The following NICN1 variants were observed in gnomAD, a reference collection of about 807,000 sequenced individuals.
The protein encoded by NICN1 is nicolin 1, tubulin polyglutamylase complex subunit.
NICN1 carries 18 observed loss-of-function variants against 26.3 expected under a neutral mutation model. The ratio of observed to expected loss-of-function variants is 0.68; its 90% confidence interval spans 0.47 to 1.01. NICN1 has a LOEUF of 1.01. Among genes scored for constraint, NICN1 ranks in the 50% least tolerant of loss-of-function variants. NICN1 has a pLI of 0.00. For synonymous variants in NICN1, 109 were observed against 111.0 expected, an observed-to-expected ratio of 0.98 and a Z score of 0.11; for missense variants, 239 against 278.3, an observed-to-expected ratio of 0.86 and a Z score of 1.00.
chr3:49,425,571 A>G, intron 3 of NICN1, 133 bp from the exon 4 acceptor site: 2 of 675,334 alleles, frequency 3.0e-6, no homozygotes, highest in Non-Finnish European at 5.1e-6. Context: ...GGGAGCCCAC[A>G]GAGACCTAAA....
chr3:49,422,853 C>G lies in NICN1; in HGVS notation c.*1980G>C. The G allele has an allele frequency of 2.8e-6, 1 of 361,156 alleles. No homozygotes were observed. The highest frequency in any genetic ancestry group is 5.4e-6 in the Non-Finnish European group (1 of 184,794). The allele number at this position is 361,156 out of a possible 1,614,324, so 22.4% of individuals were successfully genotyped here. On this transcript the variant is annotated 3_prime_UTR_variant, in exon 6 of 6. Coordinates refer to ENST00000273598, the MANE Select transcript of NICN1 (RefSeq NM_032316.3). ...GTGGGGGTGGGGAAGGTGGGCCAGC[C>G]TGGCAGGTAGGCAGCACCACAGTAG...
intron 1 of NICN1, among the ~76,000 whole-genome samples, chr3:49,428,004 A>T: frequency 6.6e-6 from 1 of 152,102 alleles, no homozygotes; most frequent in Non-Finnish European, 1.5e-5. Flanking sequence ...GGATCACCTG[A>T]CGTCACAAGT....
In NICN1 at chr3:49,422,571, G is replaced by A. The variant is rs1396329986; in HGVS notation, c.*2262C>T. 14 of 1,114,390 alleles carry A rather than the reference G, an allele frequency of 1.3e-5. No individual in the cohort carries two copies. The Admixed American group carries it at 2.8e-4, about 22-fold the overall frequency. The allele number at this position is 1,114,390 out of a possible 1,614,324, so 69.0% of individuals were successfully genotyped here. A position where few individuals can be genotyped will look rare whatever the true frequency, so the allele number is the denominator to read the frequency against. On this transcript the variant is annotated 3_prime_UTR_variant, in exon 6 of 6. Transcript: ENST00000273598. ...CTCCGGAGCAAAGGATCTGAAGGGG[G>A]CGTGGGCAGCCCCAAGGGCAGGCTG...
chr3:49,426,529 CTTT>C (rs113679342), intron 1 of NICN1, 101 bp from the exon 2 acceptor site: 2,383 of 633,366 alleles, frequency 3.8e-3, no homozygotes, highest in East Asian at 4.2e-3. Context: ...CCCACCTTTT[CTTT>C]TTTTTTTTTT....
At position 49,422,793 on chromosome 3, in the gene NICN1, A is replaced by C; in HGVS notation, c.*2040T>G. On this transcript the variant is annotated 3_prime_UTR_variant, in exon 6 of 6. Transcript: ENST00000273598. ...TTCTGGAAAGGGCTGAAAGGTCTGA[A>C]TCATACCTTTAGGACCTCAAGAGAG... is the stretch of plus-strand genomic sequence containing the variant. 2.4e-6 allele frequency: 1 copy of C among 425,282 alleles called. No homozygotes were observed. The allele number at this position is 425,282 out of a possible 1,614,324, so 26.3% of individuals were successfully genotyped here.
In NICN1 at chr3:49,429,161, G is replaced by A. The variant is rs575205701; in HGVS notation, c.79C>T (p.Arg27Trp). The A allele has an allele frequency of 8.1e-6, 13 of 1,610,856 alleles. No individual in the cohort carries two copies. In the East Asian group the frequency reaches 2.0e-4, roughly 25 times the overall value. Residue 27 changes from arginine (R) to tryptophan (W), a missense_variant, in exon 1 of 6, where the codon CGG becomes TGG. Transcript: ENST00000273598. Reference sequence around the variant, plus strand: ...ACATCGATGACCAGCACGCCAGGCCGGCCTTGGGAGGTCCGCACGTCGCCC... The same window carrying A: ...ACATCGATGACCAGCACGCCAGGCCAGCCTTGGGAGGTCCGCACGTCGCCC... ...QVGDVRTSQGRPGVLVIDVTF... is the reference protein window; with the variant it reads ...QVGDVRTSQGWPGVLVIDVTF...
chr3:49,426,394 G>A lies in NICN1; in HGVS notation c.167C>T (p.Ala56Val). The change falls in exon 2 of 6, where the codon GCT becomes GTT. Residue 56 changes from alanine to valine, a missense_variant. Physicochemically the swap from Ala to Val is moderately conservative, Grantham distance 64. Coordinates refer to ENST00000273598, the MANE Select transcript of NICN1 (RefSeq NM_032316.3). ...CTGACGGACACGGATGCTCAAAAAA[G>A]CTGTGTAGTAATTCTTAAACGTGAT... ...QEITFKNYYT[A>V]FLSIRVRQYT... The A allele has an allele frequency of 6.2e-7, 1 of 1,614,176 alleles. No homozygotes were observed. The highest frequency in any genetic ancestry group is 8.5e-7 in the Non-Finnish European group (1 of 1,180,020).
rs2049191757 is a variant in NICN1 at position 49,428,380 on chromosome 3, T to C, written c.132+728A>G. Among the ~76,000 whole-genome samples the C allele has an allele frequency of 5.9e-5, 9 of 151,680 alleles. 1 individual carries two copies. Among genetic ancestry groups the C allele is most frequent in the Admixed American group, 5.9e-4 (9 of 15,216 alleles). On this transcript the variant is annotated intron_variant, in intron 1 of 5. Coordinates refer to ENST00000273598, the MANE Select transcript of NICN1 (RefSeq NM_032316.3). Reference sequence around the variant, plus strand: ...AACTGGAGATTGGCAACTCGAGTCATTGGGGGTATGGTGATGAGGTAAGTG... The same window carrying C: ...AACTGGAGATTGGCAACTCGAGTCACTGGGGGTATGGTGATGAGGTAAGTG...
intron 2 of NICN1, 81 bp from the exon 3 acceptor site, chr3:49,426,077 G>T: frequency 8.8e-7 from 1 of 1,142,376 alleles, no homozygotes; most frequent in Non-Finnish European, 1.3e-6. Flanking sequence ...CCAGAATGCT[G>T]CCCACCCCAC....
chr3:49,427,092 C>T (rs1161371602), intron 1 of NICN1, among the ~76,000 whole-genome samples: 4 of 151,952 alleles, frequency 2.6e-5, no homozygotes, highest in Non-Finnish European at 5.9e-5. Context: ...GAGGCCGAGG[C>T]GGGCGGATCA....
intron 2 of NICN1, 94 bp downstream of exon 2, chr3:49,426,157 TG>T: frequency 7.5e-7 from 1 of 1,337,050 alleles, no homozygotes; most frequent in Non-Finnish European, 1.0e-6. Context: ...CAGGCCAGAC[TG>T]GCCCCCTCTT....
chr3:49,426,502 G>T, intron 1 of NICN1, 74 bp from the exon 2 acceptor site: 2 of 1,102,926 alleles, frequency 1.8e-6, no homozygotes, highest in Non-Finnish European at 2.7e-6. Flanking sequence ...GATCAAAGGT[G>T]CCACCTCTTC....
intron 1 of NICN1, among the ~76,000 whole-genome samples, chr3:49,428,335 A>G (rs758079834): frequency 1.4e-4 from 22 of 152,064 alleles, no homozygotes; most frequent in Non-Finnish European, 2.5e-4. Flanking sequence ...CAGTCACTCT[A>G]TCAACTGATG....
rs1351756466 is a variant in NICN1 at position 49,422,638 on chromosome 3, A to G, written c.*2195T>C. ...ATGCAGGAACCCGCAACCACAGGGAAGAAGCCTCCAGCTCTTTCGGCTGAC... is the reference window on the plus strand; with the variant it reads ...ATGCAGGAACCCGCAACCACAGGGAGGAAGCCTCCAGCTCTTTCGGCTGAC... On this transcript the variant is annotated 3_prime_UTR_variant, in exon 6 of 6. Coordinates refer to ENST00000273598, the MANE Select transcript of NICN1 (RefSeq NM_032316.3). The G allele has an allele frequency of 1.4e-6, 1 of 717,506 alleles. No homozygotes were observed. The highest frequency in any genetic ancestry group is 2.0e-5 in the Admixed American group (1 of 49,858). 44.4% of individuals were successfully genotyped at this position (717,506 alleles called of 1,614,324 possible).
At chr3:49,426,480 G>A (rs2049170962) in intron 1 of NICN1, 52 bp from the exon 2 acceptor site, 1 of 1,495,472 alleles carries the variant, frequency 6.7e-7, no homozygotes, top group East Asian at 2.3e-5. Context: ...CCAGGGGCCT[G>A]AAAAGCTCAA....
intron 3 of NICN1, 48 bp from the exon 4 acceptor site, chr3:49,425,486 C>A (rs1427205476): frequency 2.0e-6 from 3 of 1,493,556 alleles, no homozygotes; most frequent in Admixed American, 2.0e-5. Flanking sequence ...GTGGACAGCT[C>A]TGGGACCAGA....
In NICN1 at chr3:49,429,007, G is replaced by T. The variant is rs1206049356; in HGVS notation, c.132+101C>A. ...ACTAATTTGCAAGGGCAAGGAAGACGGCAGAGGCTTTCCCATAAAAGATTA... is the reference window on the plus strand; with the variant it reads ...ACTAATTTGCAAGGGCAAGGAAGACTGCAGAGGCTTTCCCATAAAAGATTA... On this transcript the variant is annotated intron_variant, in intron 1 of 5. Coordinates refer to ENST00000273598, the MANE Select transcript of NICN1 (RefSeq NM_032316.3). 7.9e-6 allele frequency: 9 copies of T among 1,136,836 alleles called. No individual in the cohort carries two copies. The East Asian group carries it at 1.6e-4, about 20-fold the overall frequency. 70.4% of individuals were successfully genotyped at this position (1,136,836 alleles called of 1,614,324 possible).
chr3:49,425,238 T>C (rs2049161209), intron 4 of NICN1, 129 bp downstream of exon 4: 4 of 865,652 alleles, frequency 4.6e-6, no homozygotes, highest in East Asian at 5.3e-5. Context: ...TCCCACAGAA[T>C]ACCCAGGAGG....
rs2049146121 is a variant in NICN1, at chr3:49,423,836, G to C, written c.*997C>G. 6.6e-6 allele frequency: 1 copy of C among 152,004 alleles called. No homozygotes were observed. The highest frequency in any genetic ancestry group is 1.5e-5 in the Non-Finnish European group (1 of 68,018). The allele number at this position is 152,004 out of a possible 1,614,324, so 9.4% of individuals were successfully genotyped here. A position where few individuals can be genotyped will look rare whatever the true frequency, so the allele number is the denominator to read the frequency against. ...TTTGGGCTATGTCAGATGGCAGAAG[G>C]GTCCCAGTTCTTTTTTTTTTGTTTG... On this transcript the variant is annotated 3_prime_UTR_variant, in exon 6 of 6. Transcript: ENST00000273598.
Sources: gnomAD v4.1 joint callset for allele counts (sites outside exome capture counted in the v4.1 genomes callset) on GRCh38, gnomAD v4.1.1 for gene constraint, MANE v1.5 for transcripts, NCBI Gene and HGNC (gene_info 2026-07-23, HGNC 2026-07-21) for gene names.